The following EIF3E variants were observed in gnomAD, a reference collection of about 807,000 sequenced individuals.
EIF3E encodes the protein eukaryotic translation initiation factor 3 subunit E, also known as eIF-3 p48.
In EIF3E, 25 loss-of-function variants were observed where a neutral mutation model predicts 59.3. That is an observed-to-expected ratio of 0.42 (90% CI 0.31 to 0.59). The LOEUF is 0.59. EIF3E is among the 20% of genes least tolerant of loss of function. EIF3E has a pLI of 0.15. For missense variants in EIF3E, 317 were observed against 534.3 expected (o/e 0.59, Z 4.01); for synonymous variants, 176 against 170.2 (o/e 1.03, Z -0.26).
At chr8:108,210,237 C>T (rs1353965414) in intron 10 of EIF3E, among the ~76,000 whole-genome samples, 3 of 152,044 alleles carry the variant, frequency 2.0e-5, no homozygotes, top group Non-Finnish European at 4.4e-5. Flanking sequence ...TATAAAGTCA[C>T]TAATTTACAG....
intron 5 of EIF3E, chr8:108,231,708 T>C (rs1815624488): frequency 6.6e-6 from 1 of 152,094 alleles, no homozygotes; most frequent in Non-Finnish European, 1.5e-5. Context: ...AAAGCAAAAG[T>C]GTTCAAAAAT....
intron 1 of EIF3E, among the ~76,000 whole-genome samples, chr8:108,245,401 C>T (rs1342900436): frequency 6.6e-6 from 1 of 152,144 alleles, no homozygotes; most frequent in Non-Finnish European, 1.5e-5. Context: ...CCCAGAAAGT[C>T]AGGGCTGTAA....
At chr8:108,228,036 C>T in intron 7 of EIF3E, 1 of 340,158 alleles carries the variant, frequency 2.9e-6, no homozygotes. Flanking sequence ...TGCTGCTGGC[C>T]CAGGGACCAC....
chr8:108,206,592 G>GCACACACA (rs58104020), intron 10 of EIF3E, among the ~76,000 whole-genome samples: 1 of 149,580 alleles, frequency 6.7e-6, no homozygotes, highest in African/African-American at 2.4e-5. Flanking sequence ...GTGCACATGT[G>GCACACACA]CACACACACA....
At chr8:108,207,899 A>T (rs1586191037) in intron 10 of EIF3E, among the ~76,000 whole-genome samples, 1 of 152,210 alleles carries the variant, frequency 6.6e-6, no homozygotes, top group African/African-American at 2.4e-5. Flanking sequence ...GAAGTAAAAA[A>T]TAACAGAGAT....
intron 11 of EIF3E, 127 bp downstream of exon 11, chr8:108,203,274 T>C (rs1174093759): frequency 3.9e-6 from 5 of 1,290,566 alleles, no homozygotes; most frequent in South Asian, 1.5e-5. Context: ...TTCTGTTGCC[T>C]TCAAAGAACT....
chr8:108,221,508 T>C (rs2129877922), intron 7 of EIF3E: 1 of 152,318 alleles, frequency 6.6e-6, no homozygotes, highest in East Asian at 1.9e-4. Flanking sequence ...AGTTTAGTAC[T>C]TTGCTTTGTA....
At chr8:108,235,332 G>A (rs903564771) in intron 4 of EIF3E, among the ~76,000 whole-genome samples, 2 of 152,176 alleles carry the variant, frequency 1.3e-5, no homozygotes, top group African/African-American at 4.8e-5. Context: ...AACTAATGGG[G>A]GCTGGGGTCG....
chr8:108,228,956 A>G, intron 6 of EIF3E, 114 bp downstream of exon 6: 1 of 1,175,028 alleles, frequency 8.5e-7, no homozygotes, highest in Non-Finnish European at 1.1e-6. Context: ...GGTCAACAAA[A>G]GCTAATATGA....
intron 7 of EIF3E, chr8:108,227,298 TG>T (rs1218428932): frequency 2.6e-5 from 4 of 152,116 alleles, no homozygotes; most frequent in African/African-American, 9.7e-5. Context: ...CACTCCAGTC[TG>T]GGCAACACAG....
rs148591843 is a variant in EIF3E, at chr8:108,206,633, GACAC to G, written c.1062-3134_1062-3131del. ...ACACACACACTGGCATGGTCGCACA[GACAC>G]ACACACACATACACACGCACGCACG... On this transcript the variant is annotated intron_variant, in intron 10 of 12. Transcript: ENST00000220849. 2.0e-5 allele frequency among the ~76,000 whole-genome samples: 3 copies of G among 150,872 alleles called. No homozygotes were observed. The East Asian group carries it at 5.9e-4, about 30-fold the overall frequency.
At chr8:108,210,042 CTTT>C (rs34870098) in intron 10 of EIF3E, among the ~76,000 whole-genome samples, 2 of 145,858 alleles carry the variant, frequency 1.4e-5, no homozygotes, top group East Asian at 2.0e-4. Context: ...AACAGTTTAA[CTTT>C]TTTTTTTTTT....
At position 108,248,616 on chromosome 8, in the gene EIF3E, C is replaced by T; in HGVS notation, c.87G>A (p.Lys29=). 6.2e-7 allele frequency: 1 copy of T among 1,614,050 alleles called. No individual in the cohort carries two copies. Among genetic ancestry groups the T allele is most frequent in the Non-Finnish European group, 8.5e-7 (1 of 1,179,984 alleles). Residue 29 remains lysine (K), a synonymous_variant, in exon 1 of 13, where the codon AAG becomes AAA. Coordinates refer to ENST00000220849, the MANE Select transcript of EIF3E (RefSeq NM_001568.3). ...VFPLLEFLSV[K]EIYNEKELLQ... The stretch of plus-strand genomic sequence containing the variant: ...TTGCGCCCAAAGACCCCCTCACCTC[C>T]TTTACAGAGAGAAATTCAAGAAGCG...
intron 10 of EIF3E, among the ~76,000 whole-genome samples, chr8:108,211,732 G>C (rs1344648013): frequency 1.3e-5 from 2 of 152,154 alleles, no homozygotes; most frequent in Non-Finnish European, 2.9e-5. Flanking sequence ...AGTGGTTTTG[G>C]ATTCTGGCTG....
At chr8:108,218,558 A>T (rs1288781449) in intron 7 of EIF3E, among the ~76,000 whole-genome samples, 1 of 152,096 alleles carries the variant, frequency 6.6e-6, no homozygotes, top group East Asian at 1.9e-4. Flanking sequence ...AAGAATATCC[A>T]CTCAAGAATA....
At chr8:108,228,066 A>C (rs1815551780) in intron 7 of EIF3E, 1 of 435,592 alleles carries the variant, frequency 2.3e-6, no homozygotes, top group East Asian at 4.1e-5. Flanking sequence ...AGCACTTTAA[A>C]AGGCTTAGGG....
At chr8:108,205,601 A>G (rs1363301594) in intron 10 of EIF3E, among the ~76,000 whole-genome samples, 1 of 152,202 alleles carries the variant, frequency 6.6e-6, no homozygotes, top group Non-Finnish European at 1.5e-5. Context: ...TAAGCTTTAA[A>G]TTGTAAACTG....
chr8:108,207,187 A>C (rs1476920512), intron 10 of EIF3E, among the ~76,000 whole-genome samples: 1 of 152,130 alleles, frequency 6.6e-6, no homozygotes, highest in Non-Finnish European at 1.5e-5. Context: ...ACACTCAGTA[A>C]AAGAAACCAA....
chr8:108,242,314 T>C (rs1815854753), intron 1 of EIF3E: 1 of 1,289,890 alleles, frequency 7.8e-7, no homozygotes. Flanking sequence ...AATAAACTCC[T>C]ATATGCTTCT....
Sources: allele counts gnomAD v4.1 joint callset (sites outside exome capture counted in the v4.1 genomes callset), GRCh38; gene constraint gnomAD v4.1.1; transcripts MANE v1.5; gene names NCBI Gene and HGNC (gene_info 2026-07-23, HGNC 2026-07-21).